Variants in NDUFA10 observed in about 807,000 individuals in gnomAD.
The protein encoded by NDUFA10 is NADH dehydrogenase [ubiquinone] 1 alpha subcomplex subunit 10, mitochondrial.
A neutral mutation model predicts 47.8 loss-of-function variants in NDUFA10; 40 were observed. That is an observed-to-expected ratio of 0.84 (90% CI 0.65 to 1.09). The LOEUF (loss-of-function observed/expected upper bound fraction) is 1.09, where lower values mean the gene tolerates loss of function less well. Among genes scored for constraint, NDUFA10 ranks in the 50% least tolerant of loss-of-function variants. The pLI is 0.00. For synonymous variants in NDUFA10, 183 were observed against 172.2 expected, an observed-to-expected ratio of 1.06 and a Z score of -0.49; for missense variants, 413 against 451.1, an observed-to-expected ratio of 0.92 and a Z score of 0.76.
intron 4 of NDUFA10, among the ~76,000 whole-genome samples, chr2:239,914,946 G>A (rs1693824407): frequency 7.1e-6 from 1 of 141,188 alleles, no homozygotes; most frequent in Non-Finnish European, 1.5e-5. Flanking sequence ...GAGACACAGA[G>A]ATATATAAAC....
intron 7 of NDUFA10, among the ~76,000 whole-genome samples, chr2:240,005,967 A>G (rs1374649030): frequency 6.6e-6 from 1 of 152,206 alleles, no homozygotes. Flanking sequence ...TCAAAATGAC[A>G]AAAGAATAAG....
intron 4 of NDUFA10, among the ~76,000 whole-genome samples, chr2:239,942,669 T>C (rs2106379433): frequency 6.6e-6 from 1 of 152,152 alleles, no homozygotes; most frequent in East Asian, 1.9e-4. Flanking sequence ...TCCGCATGTT[T>C]ATCTTGCGCA....
intron 4 of NDUFA10, among the ~76,000 whole-genome samples, chr2:239,951,702 T>C (rs909497232): frequency 2.0e-4 from 31 of 152,246 alleles, no homozygotes; most frequent in Admixed American, 6.5e-5. Context: ...AGAAAATGTA[T>C]ATAACTCTAA....
chr2:239,999,059 G>A (rs1696598854), intron 8 of NDUFA10, among the ~76,000 whole-genome samples: 1 of 152,170 alleles, frequency 6.6e-6, no homozygotes, highest in Admixed American at 6.5e-5. Context: ...GGGAACCAAG[G>A]AAGCTACCAA....
intron 1 of NDUFA10, among the ~76,000 whole-genome samples, chr2:240,024,922 G>A (rs1234756852): frequency 6.6e-6 from 1 of 152,196 alleles, no homozygotes; most frequent in Non-Finnish European, 1.5e-5. Context: ...AAGCGCGTGT[G>A]CCCCCGGCCT....
chr2:239,957,149 C>T (rs1187893959), downstream of NDUFA10, among the ~76,000 whole-genome samples: 1 of 152,196 alleles, frequency 6.6e-6, no homozygotes, highest in Non-Finnish European at 1.5e-5. Context: ...TCTGCACATG[C>T]ACAACCCTGC....
chr2:239,953,730 G>A (rs2106385727), downstream of NDUFA10, among the ~76,000 whole-genome samples: 1 of 152,326 alleles, frequency 6.6e-6, no homozygotes, highest in Middle Eastern at 3.4e-3. Flanking sequence ...CCAACCACAG[G>A]CAGCCAGGCA....
rs1225436009 is a variant in NDUFA10 at position 239,945,343 on chromosome 2, C to CA, written c.294+44730dup. Among the ~76,000 whole-genome samples the CA allele has an allele frequency of 2.6e-5, 4 of 152,236 alleles. No homozygotes were observed. Among genetic ancestry groups the CA allele is most frequent in the African/African-American group, 7.2e-5 (3 of 41,460 alleles). ...CACAGATCAGCAATTTGCCCAAAGT[C>CA]ACGCTGCTGCTGAGTGGAGACAGGA... On this transcript the variant is annotated intron_variant, in intron 4 of 5. Coordinates refer to the NDUFA10 transcript ENST00000419408. This position sits in a 1 kb window ranked among gnomAD's most constrained non-coding sequence, Gnocchi z 4.6.
At chr2:239,932,663 T>G (rs895340068) in intron 4 of NDUFA10, among the ~76,000 whole-genome samples, 7 of 151,834 alleles carry the variant, frequency 4.6e-5, no homozygotes, top group Non-Finnish European at 1.0e-4. Context: ...CACTGTAAGC[T>G]CCACCTCCCG....
Position 239,929,308 on chromosome 2 carries a change from G to A in NDUFA10, c.295-33994C>T, listed in dbSNP as rs1048134199. 2.6e-5 allele frequency among the ~76,000 whole-genome samples: 4 copies of A among 152,300 alleles called. No individual in the cohort carries two copies. In the South Asian group the frequency reaches 6.2e-4, roughly 24 times the overall value. Reference sequence around the variant, plus strand: ...GGTACCGGGCAGAGACGCAGACACCGATGACTGAGTTGTCGAAGGTGGTTG... The same window carrying A: ...GGTACCGGGCAGAGACGCAGACACCAATGACTGAGTTGTCGAAGGTGGTTG... On this transcript the variant is annotated intron_variant, in intron 4 of 5. Transcript: ENST00000419408.
intron 4 of NDUFA10, among the ~76,000 whole-genome samples, chr2:239,940,475 T>G (rs1694342385): frequency 6.6e-6 from 1 of 152,390 alleles, no homozygotes; most frequent in South Asian, 2.1e-4. Context: ...GATTGAATAT[T>G]GATGAACATC....
At chr2:239,918,709 G>A (rs1443050416) in intron 4 of NDUFA10, among the ~76,000 whole-genome samples, 1 of 152,190 alleles carries the variant, frequency 6.6e-6, no homozygotes, top group Non-Finnish European at 1.5e-5. Context: ...GGTGGAGTTG[G>A]TGCCTCATCC....
chr2:239,976,911 A>G (rs1196411227), intron 9 of NDUFA10, among the ~76,000 whole-genome samples: 1 of 152,142 alleles, frequency 6.6e-6, no homozygotes, highest in African/African-American at 2.4e-5. Flanking sequence ...ACTGATTTAG[A>G]CAACTGCAAC....
chr2:239,983,152 G>T (rs1391098135), intron 9 of NDUFA10, among the ~76,000 whole-genome samples: 1 of 152,190 alleles, frequency 6.6e-6, no homozygotes, highest in East Asian at 1.9e-4. Flanking sequence ...GCTCAGGAGG[G>T]AGGGGACTAC....
At chr2:239,953,255 G>C (rs140970982), downstream of NDUFA10, among the ~76,000 whole-genome samples, 475 of 152,308 alleles carry the variant, frequency 3.1e-3, 1 homozygote, top group South Asian at 8.7e-3. Flanking sequence ...GGGGTCACAA[G>C]ACCATATACG....
intron 4 of NDUFA10, among the ~76,000 whole-genome samples, chr2:239,908,490 A>T (rs6759525): frequency 6.6e-6 from 1 of 152,084 alleles, no homozygotes; most frequent in African/African-American, 2.4e-5. Flanking sequence ...GGGCCCCACC[A>T]CAGCCTGACA....
chr2:239,899,022 A>G (rs1205139257), intron 4 of NDUFA10, among the ~76,000 whole-genome samples: 3 of 87,200 alleles, frequency 3.4e-5, no homozygotes, highest in Non-Finnish European at 7.5e-5. Flanking sequence ...GAGGGGAGTC[A>G]TGGAGGGGTG....
chr2:239,953,837 A>G (rs887594146), downstream of NDUFA10, among the ~76,000 whole-genome samples: 1 of 152,240 alleles, frequency 6.6e-6, no homozygotes, highest in African/African-American at 2.4e-5. Context: ...AACTTAAAAT[A>G]GACTCCGCTT....
At chr2:239,932,458 A>G in intron 4 of NDUFA10, among the ~76,000 whole-genome samples, 1 of 152,276 alleles carries the variant, frequency 6.6e-6, no homozygotes, top group East Asian at 1.9e-4. Flanking sequence ...CACCCCCGCA[A>G]GCCCGCAGGC....
Sources: gnomAD v4.1 joint callset for allele counts (sites outside exome capture counted in the v4.1 genomes callset) on GRCh38, gnomAD v4.1.1 for gene constraint, Gnocchi (gnomAD v3.1) non-coding constraint, MANE v1.5 for transcripts, NCBI Gene and HGNC (gene_info 2026-07-23, HGNC 2026-07-21) for gene names.